Variants in ZNF420 observed in about 807,000 individuals in gnomAD.
The protein encoded by ZNF420 is ATM and p53-associated KZNF protein.
ZNF420 carries 31 observed loss-of-function variants against 44.7 expected under a neutral mutation model. The ratio of observed to expected loss-of-function variants is 0.69; its 90% CI spans 0.52 to 0.94. The LOEUF (loss-of-function observed/expected upper bound fraction) is 0.94. Among genes scored for constraint, ZNF420 ranks in the 40% least tolerant of loss-of-function variants. ZNF420 has a pLI of 0.00. For synonymous variants in ZNF420, 245 were observed against 267.4 expected (o/e 0.92, Z 0.82); for missense variants, 681 against 827.9 (o/e 0.82, Z 2.18).
rs755020848 is a variant in ZNF420, at chr19:37,127,793, C to G, written c.802C>G (p.Leu268Val). The stretch of plus-strand genomic sequence containing the variant: ...CTTTACTCAGAATTCACAACTTACA[C>G]TACACCAGAGACTTCATACTGGTGA... Reference protein sequence around the residue: ...KAFTQNSQLTLHQRLHTGEKL... With the variant: ...KAFTQNSQLTVHQRLHTGEKL... The change falls in exon 5 of 5, where the codon CTA (leucine) becomes GTA (valine). Residue 268 changes from leucine to valine, a missense_variant. This residue lies in a region of ZNF420 where 350 missense variants were observed against 382.5 expected (regional missense o/e 0.92). Coordinates refer to ENST00000337995, the MANE Select transcript of ZNF420 (RefSeq NM_144689.5). 9 of 1,613,776 alleles carry G rather than the reference C, an allele frequency of 5.6e-6. No homozygotes were observed. The African/African-American group carries it at 9.3e-5, about 17-fold the overall frequency.
At chr19:37,125,994 T>C (rs1161981822) in intron 4 of ZNF420, among the ~76,000 whole-genome samples, 1 of 152,152 alleles carries the variant, frequency 6.6e-6, no homozygotes, top group Non-Finnish European at 1.5e-5. Flanking sequence ...TTTCTCCCCC[T>C]CTTAGCTTTT....
chr19:37,023,795 T>C (rs769091795), intron 1 of ZNF420, among the ~76,000 whole-genome samples: 1 of 152,172 alleles, frequency 6.6e-6, no homozygotes, highest in African/African-American at 2.4e-5. Context: ...TACAAACAAA[T>C]TGATACCTAA....
intron 1 of ZNF420, among the ~76,000 whole-genome samples, chr19:37,037,950 T>G (rs1454103322): frequency 6.6e-6 from 1 of 151,756 alleles, no homozygotes; most frequent in East Asian, 1.9e-4. Context: ...AGGACCTGGG[T>G]GTGGGTGGTT....
intron 4 of ZNF420, among the ~76,000 whole-genome samples, chr19:37,120,201 A>G (rs560846464): frequency 6.6e-6 from 1 of 152,352 alleles, no homozygotes; most frequent in South Asian, 2.1e-4. Context: ...ATTCCTGATG[A>G]ACATTGATGC....
chr19:37,121,892 G>A lies in ZNF420; in HGVS notation c.137-5236G>A, dbSNP rs552182017. Among the ~76,000 whole-genome samples the A allele has an allele frequency of 4.3e-4, 66 of 152,328 alleles. 2 individuals are homozygous for A. In the South Asian group the frequency reaches 0.013, roughly 30 times the overall value. On this transcript the variant is annotated intron_variant, in intron 4 of 4. Coordinates refer to ENST00000337995, the MANE Select transcript of ZNF420 (RefSeq NM_144689.5). ...ATGCTCATCATCACTGGCCATCAGA[G>A]AAATGCAAATCAAAACCACAATACC...
chr19:37,063,006 A>G (rs1599627282), intron 1 of ZNF420, among the ~76,000 whole-genome samples: 2 of 152,366 alleles, frequency 1.3e-5, no homozygotes, highest in East Asian at 3.9e-4. Flanking sequence ...TGGAGCTTCA[A>G]TATGGATTTT....
At chr19:37,040,500 G>A (rs1370917481) in intron 1 of ZNF420, among the ~76,000 whole-genome samples, 1 of 151,994 alleles carries the variant, frequency 6.6e-6, no homozygotes, top group African/African-American at 2.4e-5. Flanking sequence ...AGCAATTGAA[G>A]AATACCAGTT....
intron 4 of ZNF420, among the ~76,000 whole-genome samples, chr19:37,101,969 C>T (rs1172717547): frequency 1.3e-5 from 2 of 152,172 alleles, no homozygotes; most frequent in Non-Finnish European, 1.5e-5. Context: ...CATGTCTCTG[C>T]ACAGATGGGG....
intron 3 of ZNF420, among the ~76,000 whole-genome samples, chr19:37,089,647 GCTGGTCT>G (rs1969024565): frequency 6.6e-6 from 1 of 152,178 alleles, no homozygotes. Context: ...GACATTATGT[GCTGGTCT>G]TGAATGTATA....
intron 1 of ZNF420, among the ~76,000 whole-genome samples, chr19:37,046,625 A>G (rs1967546186): frequency 6.6e-6 from 1 of 152,208 alleles, no homozygotes; most frequent in South Asian, 2.1e-4. Context: ...GGAAAAAAAG[A>G]CAGAGGAAGA....
At chr19:37,037,611 A>G (rs1192080043) in intron 1 of ZNF420, among the ~76,000 whole-genome samples, 1 of 152,164 alleles carries the variant, frequency 6.6e-6, no homozygotes, top group African/African-American at 2.4e-5. Flanking sequence ...AGGTGGGCAA[A>G]TGCTCCAGGC....
upstream of ZNF420, among the ~76,000 whole-genome samples, chr19:37,073,907 G>C (rs988547904): frequency 2.6e-4 from 39 of 152,104 alleles, no homozygotes; most frequent in African/African-American, 9.2e-4. Flanking sequence ...GAGCAACACA[G>C]AGGATGATAA....
intron 1 of ZNF420, among the ~76,000 whole-genome samples, 194 bp downstream of exon 1, chr19:37,078,764 T>A (rs903439944): frequency 2.0e-5 from 3 of 152,206 alleles, no homozygotes; most frequent in African/African-American, 7.2e-5. Context: ...GTTGTGACTC[T>A]GAGGGTGTTT....
chr19:37,057,272 GGGTGAGCC>G (rs1273411776), intron 1 of ZNF420, among the ~76,000 whole-genome samples: 1 of 152,220 alleles, frequency 6.6e-6, no homozygotes, highest in East Asian at 1.9e-4. Flanking sequence ...GACGGGGATC[GGGTGAGCC>G]TCCCCAAAAC....
intron 1 of ZNF420, among the ~76,000 whole-genome samples, chr19:37,037,478 C>G (rs574216778): frequency 6.6e-6 from 1 of 152,332 alleles, no homozygotes; most frequent in South Asian, 2.1e-4. Flanking sequence ...TCAAGCTACA[C>G]TTTCTGCCCC....
At chr19:37,122,085 C>G (rs1168025269) in intron 4 of ZNF420, among the ~76,000 whole-genome samples, 1 of 152,174 alleles carries the variant, frequency 6.6e-6, no homozygotes, top group Non-Finnish European at 1.5e-5. Flanking sequence ...ACTAGAAATA[C>G]CATTTGACCC....
At chr19:37,047,989 T>A (rs1177792977) in intron 1 of ZNF420, among the ~76,000 whole-genome samples, 1 of 152,172 alleles carries the variant, frequency 6.6e-6, no homozygotes, top group Non-Finnish European at 1.5e-5. Context: ...TTCCATGCTG[T>A]TAGAGAGGGA....
At chr19:37,077,678 T>C (rs572430385), upstream of ZNF420, among the ~76,000 whole-genome samples, 13 of 152,276 alleles carry the variant, frequency 8.5e-5, no homozygotes, top group African/African-American at 3.1e-4. Flanking sequence ...CATTTGCTCT[T>C]GGCACCCTTA....
intron 4 of ZNF420, chr19:37,115,048 C>T (rs571615027): frequency 6.9e-5 from 11 of 160,398 alleles, no homozygotes; most frequent in African/African-American, 2.4e-4. Flanking sequence ...TTAGTTTGTC[C>T]CATTGTTACC....
Sources: gnomAD v4.1 joint callset for allele counts (sites outside exome capture counted in the v4.1 genomes callset) on GRCh38, gnomAD v4.1.1 for gene constraint, gnomAD v4.1.1 regional missense constraint, MANE v1.5 for transcripts, NCBI Gene and HGNC (gene_info 2026-07-23, HGNC 2026-07-21) for gene names.